LARGE1: variants seen among roughly 807,000 people sequenced by gnomAD.
The protein encoded by LARGE1 is LARGE xylosyl- and glucuronyltransferase 1, also known as xylosyl- and glucuronyltransferase LARGE1.
Under a neutral mutation model 87.6 loss-of-function variants are expected in LARGE1, and 43 were observed. That is an observed-to-expected ratio of 0.49 (90% CI 0.38 to 0.63). LARGE1 has a LOEUF of 0.63. Among genes scored for constraint, LARGE1 ranks in the 30% least tolerant of loss-of-function variants. LARGE1 has a pLI of 0.00. For synonymous variants in LARGE1, 434 were observed against 394.6 expected, an observed-to-expected ratio of 1.10 and a Z score of -1.18; for missense variants, 802 against 1,000.2, an observed-to-expected ratio of 0.80 and a Z score of 2.67.
chr22:33,642,659 C>A (rs914648933), intron 3 of LARGE1, among the ~76,000 whole-genome samples: 7 of 91,484 alleles, frequency 7.7e-5, no homozygotes, highest in Non-Finnish European at 1.5e-4. Context: ...CAAAGATACA[C>A]ATAAGCTCAA....
At chr22:33,791,135 G>T (rs920776681) in intron 1 of LARGE1, among the ~76,000 whole-genome samples, 1 of 152,178 alleles carries the variant, frequency 6.6e-6, no homozygotes, top group East Asian at 1.9e-4. Flanking sequence ...ATAAGTAAAT[G>T]AGAAAAGCTC....
At chr22:33,628,785 C>T (rs1029128771) in intron 3 of LARGE1, among the ~76,000 whole-genome samples, 2 of 51,090 alleles carry the variant, frequency 3.9e-5, no homozygotes, top group Non-Finnish European at 7.4e-5. Flanking sequence ...ATTCACCTCC[C>T]TATCCTCCAA....
intron 6 of LARGE1, among the ~76,000 whole-genome samples, chr22:33,506,332 G>A (rs2148408398): frequency 6.6e-6 from 1 of 152,260 alleles, no homozygotes. Context: ...ACTAGGCACA[G>A]AAGCCATACA....
chr22:33,157,162 AAAG>A, the LARGE1 span, among the ~76,000 whole-genome samples: 3 of 152,134 alleles, frequency 2.0e-5, no homozygotes, highest in African/African-American at 7.2e-5. Context: ...TAGTATTTCA[AAAG>A]AAGGATAATT....
At chr22:33,332,194 T>C (rs1345173201) in intron 10 of LARGE1, among the ~76,000 whole-genome samples, 7 of 152,254 alleles carry the variant, frequency 4.6e-5, no homozygotes, top group Non-Finnish European at 8.8e-5. Flanking sequence ...CTACATGTTG[T>C]GGGAGGGACA....
At chr22:33,700,918 G>A (rs1263160038) in intron 2 of LARGE1, among the ~76,000 whole-genome samples, 1 of 152,182 alleles carries the variant, frequency 6.6e-6, no homozygotes, top group Non-Finnish European at 1.5e-5. Flanking sequence ...CCCGAGAGTG[G>A]ATTTCCACAT....
chr22:33,833,009 C>T (rs1425755934), intron 1 of LARGE1, among the ~76,000 whole-genome samples: 1 of 152,040 alleles, frequency 6.6e-6, no homozygotes, highest in African/African-American at 2.4e-5. Context: ...CTCAGAGGCA[C>T]CTGTGCCTTC....
At chr22:33,378,373 T>C (rs2413181) in intron 9 of LARGE1, among the ~76,000 whole-genome samples, 47,426 of 152,020 alleles carry the variant, frequency 0.31, 8,178 homozygotes, top group African/African-American at 0.45. Flanking sequence ...TGTCTTCTTC[T>C]ACACTCTGAG....
chr22:33,122,656 G>C, the LARGE1 span, among the ~76,000 whole-genome samples: 1 of 152,094 alleles, frequency 6.6e-6, no homozygotes, highest in East Asian at 1.9e-4. Flanking sequence ...ACCGTGCCCA[G>C]CCTGTTTTGT....
At chr22:33,872,874 C>G (rs12169322) in intron 1 of LARGE1, among the ~76,000 whole-genome samples, 23,396 of 152,034 alleles carry the variant, frequency 0.15, 1,868 homozygotes, top group South Asian at 0.29. Context: ...GTGGCAGACA[C>G]CTGTAATCCC....
intron 11 of LARGE1, among the ~76,000 whole-genome samples, chr22:33,168,300 T>G (rs1394632692): frequency 6.6e-6 from 1 of 152,254 alleles, no homozygotes; most frequent in Non-Finnish European, 1.5e-5. Context: ...TAGGCCATTT[T>G]TTAGATTTTC....
intron 9 of LARGE1, among the ~76,000 whole-genome samples, chr22:33,339,304 T>C (rs8136395): frequency 1.4e-4 from 22 of 151,874 alleles, no homozygotes; most frequent in African/African-American, 4.8e-4. Flanking sequence ...GGTGGCTCAT[T>C]TGGAGCATGA....
At chr22:33,682,636 C>G (rs1451757114) in intron 2 of LARGE1, among the ~76,000 whole-genome samples, 1 of 152,224 alleles carries the variant, frequency 6.6e-6, no homozygotes, top group Non-Finnish European at 1.5e-5. Context: ...CACATCTAAG[C>G]TCTTGGGAAA....
At chr22:33,670,531 G>A (rs1243138850) in intron 2 of LARGE1, among the ~76,000 whole-genome samples, 1 of 151,998 alleles carries the variant, frequency 6.6e-6, no homozygotes, top group Non-Finnish European at 1.5e-5. Flanking sequence ...ACCCACGGGG[G>A]CACCGCAGGA....
At chr22:33,647,118 C>T (rs781231338) in intron 3 of LARGE1, among the ~76,000 whole-genome samples, 1 of 152,192 alleles carries the variant, frequency 6.6e-6, no homozygotes, top group African/African-American at 2.4e-5. Context: ...GGGGCTACTC[C>T]CAGAGATTCT....
chr22:33,348,129 C>T (rs1376344744), intron 9 of LARGE1, among the ~76,000 whole-genome samples: 1 of 152,082 alleles, frequency 6.6e-6, no homozygotes, highest in Non-Finnish European at 1.5e-5. Flanking sequence ...CAAGGAGTGA[C>T]CCGAAAAGGG....
chr22:33,851,047 T>C (rs990868507), intron 1 of LARGE1, among the ~76,000 whole-genome samples: 3 of 152,244 alleles, frequency 2.0e-5, no homozygotes, highest in Non-Finnish European at 4.4e-5. Context: ...GTGAAACACC[T>C]TGAAACTGCA....
intron 6 of LARGE1, among the ~76,000 whole-genome samples, chr22:33,539,710 C>G (rs7285505): frequency 0.042 from 6,409 of 151,478 alleles, 361 homozygotes; most frequent in African/African-American, 0.13. Flanking sequence ...CCCACCTCAG[C>G]CTACCAAGTA....
At chr22:33,429,593 G>A (rs1411102919) in intron 7 of LARGE1, among the ~76,000 whole-genome samples, 1 of 152,124 alleles carries the variant, frequency 6.6e-6, no homozygotes, top group Non-Finnish European at 1.5e-5. Flanking sequence ...TTTGTTTTAC[G>A]CAGGAAACCG....
Sources: gnomAD v4.1 joint callset for allele counts (sites outside exome capture counted in the v4.1 genomes callset) on GRCh38, gnomAD v4.1.1 for gene constraint, MANE v1.5 for transcripts, NCBI Gene and HGNC (gene_info 2026-07-23, HGNC 2026-07-21) for gene names.